The following RCOR1 variants were observed in gnomAD, a reference collection of about 807,000 sequenced individuals.
RCOR1 encodes REST corepressor 1.
A neutral mutation model predicts 64.0 loss-of-function variants in RCOR1; 12 were observed. That is an observed-to-expected ratio of 0.19 (90% CI 0.12 to 0.30). The LOEUF (loss-of-function observed/expected upper bound fraction) is 0.30, where lower values mean the gene tolerates loss of function less well. RCOR1 is among the 10% of genes least tolerant of loss of function. The pLI is 1.00. For missense variants in RCOR1, 502 were observed against 621.2 expected (o/e 0.81, Z 2.04); for synonymous variants, 279 against 227.2 (o/e 1.23, Z -2.05).
intron 2 of RCOR1, among the ~76,000 whole-genome samples, chr14:102,639,237 AC>A (rs1185395677): frequency 4.0e-5 from 6 of 150,698 alleles, no homozygotes; most frequent in Non-Finnish European, 7.4e-5. Flanking sequence ...TTCTAGGAGA[AC>A]CAACTACTCT....
intron 2 of RCOR1, chr14:102,657,083 C>A: frequency 7.1e-6 from 7 of 984,234 alleles, no homozygotes; most frequent in South Asian, 9.4e-5. Context: ...CTAGAAACAT[C>A]TTCTAAAGCC....
intron 2 of RCOR1, among the ~76,000 whole-genome samples, chr14:102,595,237 C>CA (rs1196038932): frequency 1.3e-5 from 2 of 152,234 alleles, no homozygotes; most frequent in Non-Finnish European, 2.9e-5. Context: ...TGCAGTAGCT[C>CA]ACACCTGTAG....
intron 3 of RCOR1, among the ~76,000 whole-genome samples, chr14:102,688,552 T>C (rs577578644): frequency 5.9e-5 from 9 of 152,142 alleles, no homozygotes; most frequent in Non-Finnish European, 1.3e-4. Context: ...AGAAGTTGAT[T>C]GCCTAACCGG....
chr14:102,720,181 T>A (rs1896147934), intron 8 of RCOR1, among the ~76,000 whole-genome samples: 2 of 152,204 alleles, frequency 1.3e-5, no homozygotes, highest in South Asian at 4.1e-4. Flanking sequence ...GTGTGATTAT[T>A]CAAAGATGAA....
At chr14:102,613,501 C>T (rs1389153018) in intron 2 of RCOR1, among the ~76,000 whole-genome samples, 1 of 148,140 alleles carries the variant, frequency 6.8e-6, no homozygotes, top group African/African-American at 2.5e-5. Context: ...GGCGCGATCT[C>T]TGCTCACTGC....
intron 2 of RCOR1, among the ~76,000 whole-genome samples, chr14:102,675,927 A>G (rs1415433291): frequency 2.0e-5 from 3 of 152,082 alleles, no homozygotes; most frequent in Non-Finnish European, 1.5e-5. Context: ...GTTGTTGAAT[A>G]TATTAGTAGT....
intron 2 of RCOR1, among the ~76,000 whole-genome samples, chr14:102,673,837 A>G (rs1895083710): frequency 6.9e-6 from 1 of 145,852 alleles, no homozygotes; most frequent in Non-Finnish European, 1.5e-5. Context: ...CTGGTCTCGA[A>G]CTCCCGACTT....
At chr14:102,675,047 C>CAAAAAAAAAAA (rs761294133) in intron 2 of RCOR1, among the ~76,000 whole-genome samples, 3 of 63,410 alleles carry the variant, frequency 4.7e-5, no homozygotes, top group African/African-American at 1.8e-4. Context: ...GACTCCACCT[C>CAAAAAAAAAAA]AAAAAAAAAA....
intron 2 of RCOR1, among the ~76,000 whole-genome samples, chr14:102,618,479 A>G (rs1567409936): frequency 6.6e-6 from 1 of 151,962 alleles, no homozygotes; most frequent in Non-Finnish European, 1.5e-5. Context: ...GCATGGGCAT[A>G]TACCTATAGT....
chr14:102,686,453 T>A (rs145274772), intron 3 of RCOR1, among the ~76,000 whole-genome samples: 4 of 152,310 alleles, frequency 2.6e-5, no homozygotes, highest in African/African-American at 9.6e-5. Context: ...CACATTCTTA[T>A]CACCCGAAAT....
intron 4 of RCOR1, among the ~76,000 whole-genome samples, chr14:102,706,732 G>T (rs1041827257): frequency 3.3e-5 from 5 of 151,976 alleles, no homozygotes; most frequent in African/African-American, 1.2e-4. Context: ...AGACTGAGGT[G>T]ATCAAGGAGG....
At chr14:102,631,583 C>T (rs562297631) in intron 2 of RCOR1, among the ~76,000 whole-genome samples, 1 of 152,198 alleles carries the variant, frequency 6.6e-6, no homozygotes, top group African/African-American at 2.4e-5. Flanking sequence ...GAACTGTCCT[C>T]ACCTAGTCTG....
chr14:102,597,754 C>T (rs974916201), intron 2 of RCOR1, among the ~76,000 whole-genome samples: 2 of 151,078 alleles, frequency 1.3e-5, no homozygotes, highest in Non-Finnish European at 2.9e-5. Flanking sequence ...CTGCCTCAGC[C>T]TCCTCAGTAG....
intron 2 of RCOR1, among the ~76,000 whole-genome samples, chr14:102,630,774 T>G (rs1894094687): frequency 6.6e-6 from 1 of 152,146 alleles, no homozygotes; most frequent in Admixed American, 6.6e-5. Context: ...AGAAGTCCCC[T>G]TCTCCCTCAT....
intron 2 of RCOR1, among the ~76,000 whole-genome samples, chr14:102,610,130 C>CA (rs988867488): frequency 0.017 from 1,655 of 95,936 alleles, 16 homozygotes; most frequent in Admixed American, 0.025. Context: ...AACTCCATCT[C>CA]AAAAAAAAAA....
At chr14:102,704,456 G>T (rs1379342360) in intron 4 of RCOR1, among the ~76,000 whole-genome samples, 2 of 152,022 alleles carry the variant, frequency 1.3e-5, no homozygotes, top group African/African-American at 2.4e-5. Context: ...TTTTGAGATG[G>T]AGTCTCACTC....
chr14:102,593,981 A>G (rs142550287), intron 2 of RCOR1, among the ~76,000 whole-genome samples: 174 of 152,206 alleles, frequency 1.1e-3, no homozygotes, highest in African/African-American at 3.9e-3. Flanking sequence ...GGAGGAAGAG[A>G]TTGTGAAATT....
At chr14:102,657,466 C>T (rs1035209678) in intron 2 of RCOR1, 9 of 983,824 alleles carry the variant, frequency 9.1e-6, no homozygotes, top group Non-Finnish European at 9.7e-6. Context: ...TCTTACTCAT[C>T]CTTTTTGATA....
intron 2 of RCOR1, among the ~76,000 whole-genome samples, chr14:102,653,417 G>T (rs1463052588): frequency 6.6e-6 from 1 of 151,938 alleles, no homozygotes; most frequent in African/African-American, 2.4e-5. Flanking sequence ...ACAGGGTTTT[G>T]CCACGTTGTC....
Sources: allele counts gnomAD v4.1 joint callset (sites outside exome capture counted in the v4.1 genomes callset), GRCh38; gene constraint gnomAD v4.1.1; transcripts MANE v1.5; gene names NCBI Gene and HGNC (gene_info 2026-07-23, HGNC 2026-07-21).